Variants in CCDC138 observed in about 807,000 individuals in gnomAD.
CCDC138 encodes the protein coiled-coil domain containing 138.
CCDC138 carries 66 observed loss-of-function variants against 82.3 expected under a neutral mutation model. The ratio of observed to expected loss-of-function variants is 0.80; its 90% CI spans 0.66 to 0.98. The LOEUF is 0.98. CCDC138 is among the 50% of genes least tolerant of loss of function. The pLI is 0.00. For missense variants in CCDC138, 816 were observed against 758.9 expected, an observed-to-expected ratio of 1.08 and a Z score of -0.88; for synonymous variants, 297 against 265.4, an observed-to-expected ratio of 1.12 and a Z score of -1.16.
chr2:108,861,042 A>G (rs1310516265), intron 13 of CCDC138, among the ~76,000 whole-genome samples: 1 of 139,280 alleles, frequency 7.2e-6, no homozygotes, highest in Non-Finnish European at 1.5e-5. Context: ...TTCCTGATTC[A>G]ATCTTGGGAG....
chr2:108,853,726 A>G (rs910966430), intron 12 of CCDC138, among the ~76,000 whole-genome samples: 3 of 147,646 alleles, frequency 2.0e-5, no homozygotes, highest in African/African-American at 7.5e-5. Context: ...AGCTCTTGCC[A>G]TGTTGCCCAA....
chr2:108,816,672 C>G (rs1684863082), intron 10 of CCDC138, among the ~76,000 whole-genome samples: 1 of 152,114 alleles, frequency 6.6e-6, no homozygotes, highest in South Asian at 2.1e-4. Flanking sequence ...GAGGGCATCC[C>G]TCATAACCCA....
chr2:108,834,835 G>A (rs1209268424), intron 10 of CCDC138, among the ~76,000 whole-genome samples: 1 of 152,188 alleles, frequency 6.6e-6, no homozygotes, highest in African/African-American at 2.4e-5. Flanking sequence ...AGTATCTCAT[G>A]TAAGTGGCAC....
chr2:108,796,247 G>A (rs1230672720), intron 5 of CCDC138, among the ~76,000 whole-genome samples: 1 of 151,634 alleles, frequency 6.6e-6, no homozygotes, highest in Non-Finnish European at 1.5e-5. Flanking sequence ...GTAGAGATGG[G>A]GTTTCACTGT....
chr2:108,857,424 A>G (rs890206767), intron 13 of CCDC138, among the ~76,000 whole-genome samples: 6 of 152,148 alleles, frequency 3.9e-5, no homozygotes, highest in Non-Finnish European at 1.5e-5. Context: ...TGAGTCATTA[A>G]TAACATCACT....
At chr2:108,858,208 G>A (rs1008570997) in intron 13 of CCDC138, among the ~76,000 whole-genome samples, 4 of 152,202 alleles carry the variant, frequency 2.6e-5, no homozygotes, top group African/African-American at 9.6e-5. Flanking sequence ...GCCGGGCATG[G>A]TGGTGTGCGC....
chr2:108,788,011 ATCTTT>A lies in CCDC138; in HGVS notation c.94-14_94-10del, dbSNP rs773571822. The A allele has an allele frequency of 1.3e-4, 191 of 1,466,856 alleles. No individual in the cohort carries two copies. The highest frequency in any genetic ancestry group is 6.6e-4 in the East Asian group (28 of 42,306). The allele number at this position is 1,466,856 out of a possible 1,614,324, so 90.9% of individuals were successfully genotyped here. A position where few individuals can be genotyped will look rare whatever the true frequency, so the allele number is the denominator to read the frequency against. On this transcript the variant is annotated splice_polypyrimidine_tract_variant and intron_variant, in intron 1 of 14. Coordinates refer to ENST00000295124, the MANE Select transcript of CCDC138 (RefSeq NM_144978.3). Reference sequence around the variant, plus strand: ...AATTGATTTTTAGTATACAAATTAAATCTTTTCTTTTTTTTTTTAGTATGATTTTT... The same window carrying A: ...AATTGATTTTTAGTATACAAATTAAATCTTTTTTTTTTTAGTATGATTTTT...
downstream of CCDC138, chr2:108,876,645 A>G (rs891043877): frequency 6.5e-6 from 1 of 153,406 alleles, no homozygotes; most frequent in African/African-American, 2.4e-5. Context: ...GAAAGCAAAA[A>G]TGTATATCTT....
At chr2:108,868,801 G>GA (rs1161818425) in intron 13 of CCDC138, among the ~76,000 whole-genome samples, 25 of 151,674 alleles carry the variant, frequency 1.6e-4, no homozygotes, top group Non-Finnish European at 3.7e-4. Context: ...AAAACTTGAA[G>GA]AAAAAAAAGC....
chr2:108,805,454 G>C (rs188472717), intron 7 of CCDC138, among the ~76,000 whole-genome samples: 1 of 152,032 alleles, frequency 6.6e-6, no homozygotes, highest in Non-Finnish European at 1.5e-5. Flanking sequence ...GGCCAGGCGC[G>C]GTGGCTCACG....
chr2:108,802,902 C>T (rs1368465301), intron 6 of CCDC138, among the ~76,000 whole-genome samples: 1 of 152,130 alleles, frequency 6.6e-6, no homozygotes, highest in Non-Finnish European at 1.5e-5. Flanking sequence ...TGGTTTTTGT[C>T]TTTGGCTCTG....
At position 108,812,865 on chromosome 2, in the gene CCDC138, CA is replaced by C. The variant is rs781059272; in HGVS notation, c.980del (p.His327LeufsTer6). The C allele has an allele frequency of 9.3e-5, 150 of 1,613,456 alleles. 1 individual carries two copies. The South Asian group carries it at 1.4e-3, about 15-fold the overall frequency. On this transcript the variant is annotated frameshift_variant, in exon 9 of 15. Transcript: ENST00000295124. LOFTEE classifies it high-confidence loss of function. ...AATACAGAGATTGAAAGGAAGTTCC[CA>C]TGCTGTTCATGAAATGAAAAGTTTA... ...MTIQRLKGSS[H>X]AVHEMKSLKQ...
At chr2:108,824,332 GT>G (rs2150108447) in intron 10 of CCDC138, among the ~76,000 whole-genome samples, 1 of 152,042 alleles carries the variant, frequency 6.6e-6, no homozygotes, top group African/African-American at 2.4e-5. Context: ...TTTATATCCT[GT>G]AAGTTTTTTT....
intron 10 of CCDC138, among the ~76,000 whole-genome samples, chr2:108,821,479 A>C (rs1269233070): frequency 7.2e-5 from 11 of 152,238 alleles, no homozygotes; most frequent in Non-Finnish European, 2.9e-5. Flanking sequence ...AAGATGTTTT[A>C]TGTAATTGAT....
chr2:108,864,292 T>G (rs959777629), intron 13 of CCDC138, among the ~76,000 whole-genome samples: 1 of 152,150 alleles, frequency 6.6e-6, no homozygotes, highest in African/African-American at 2.4e-5. Flanking sequence ...ATTTATTTAT[T>G]AAAAAAAGAT....
At chr2:108,867,066 A>C (rs1694533772) in intron 13 of CCDC138, among the ~76,000 whole-genome samples, 1 of 152,146 alleles carries the variant, frequency 6.6e-6, no homozygotes, top group East Asian at 1.9e-4. Flanking sequence ...TTATGAAAAG[A>C]TTCTACTGAG....
At position 108,802,204 on chromosome 2, in the gene CCDC138, G is replaced by A. The variant is rs1255740637; in HGVS notation, c.736-2685G>A. Among the ~76,000 whole-genome samples the A allele has an allele frequency of 1.1e-4, 14 of 124,460 alleles. No homozygotes were observed. In the South Asian group the frequency reaches 1.4e-3, roughly 13 times the overall value. The allele number at this position is 124,460 out of a possible 152,430, so 81.7% of individuals were successfully genotyped here. ...GCTTGATGGGGATGGCATTGAATCT[G>A]TAAATTACCTTGGGCAGTATGGCCA... On this transcript the variant is annotated intron_variant, in intron 6 of 14. Coordinates refer to ENST00000295124, the MANE Select transcript of CCDC138 (RefSeq NM_144978.3).
chr2:108,835,997 T>G (rs1688513578), intron 10 of CCDC138, among the ~76,000 whole-genome samples: 1 of 152,194 alleles, frequency 6.6e-6, no homozygotes, highest in Non-Finnish European at 1.5e-5. Context: ...CCCACACGCC[T>G]TTATTATAAT....
At chr2:108,802,944 G>T (rs1352078279) in intron 6 of CCDC138, among the ~76,000 whole-genome samples, 2 of 152,106 alleles carry the variant, frequency 1.3e-5, no homozygotes, top group Admixed American at 1.3e-4. Flanking sequence ...ATTGATTTGC[G>T]TATATTGAAC....
Sources: gnomAD v4.1 joint callset for allele counts (sites outside exome capture counted in the v4.1 genomes callset) on GRCh38, gnomAD v4.1.1 for gene constraint, MANE v1.5 for transcripts, NCBI Gene and HGNC (gene_info 2026-07-23, HGNC 2026-07-21) for gene names.